Variants in MYLK4 observed in about 807,000 individuals in gnomAD.
The protein encoded by MYLK4 is caMLCK like.
MYLK4 carries 46 observed loss-of-function variants against 48.1 expected under a neutral mutation model. The ratio of observed to expected loss-of-function variants is 0.96; its 90% CI spans 0.75 to 1.22. MYLK4 has a LOEUF of 1.22. MYLK4 is among the 50% of genes most tolerant of loss of function. The pLI is 0.00. For missense variants in MYLK4, 451 were observed against 486.1 expected (o/e 0.93, Z 0.68); for synonymous variants, 170 against 180.8 (o/e 0.94, Z 0.48).
intron 2 of MYLK4, among the ~76,000 whole-genome samples, chr6:2,724,507 G>A (rs1185840937): frequency 2.6e-5 from 4 of 152,078 alleles, no homozygotes; most frequent in Admixed American, 1.3e-4. Context: ...GTGAAGGGTC[G>A]GTAAAAGCCA....
At chr6:2,690,083 G>A (rs533395295) in intron 3 of MYLK4, among the ~76,000 whole-genome samples, 30 of 152,286 alleles carry the variant, frequency 2.0e-4, no homozygotes, top group African/African-American at 5.8e-4. Flanking sequence ...AATTTAGTCT[G>A]TAATGCTTGC....
chr6:2,731,338 T>G (rs12197762), intron 2 of MYLK4, among the ~76,000 whole-genome samples: 32,502 of 152,108 alleles, frequency 0.21, 3,580 homozygotes, highest in Middle Eastern at 0.27. Flanking sequence ...GTCTCGGCTC[T>G]GGGGCTGGAT....
At position 2,673,894 on chromosome 6, in the gene MYLK4, G is replaced by A. The variant is rs1760990778; in HGVS notation, c.1119+1153C>T. ...GGGGATATCATGTACACAACATGGAGGTAAATTAAACATGAGATGGGGGCT... is the reference window on the plus strand; with the variant it reads ...GGGGATATCATGTACACAACATGGAAGTAAATTAAACATGAGATGGGGGCT... On this transcript the variant is annotated intron_variant, in intron 11 of 12. Transcript: ENST00000274643. This position sits in a 1 kb window ranked among gnomAD's most constrained non-coding sequence, Gnocchi z 4.2. Among the ~76,000 whole-genome samples the A allele has an allele frequency of 6.6e-6, 1 of 152,178 alleles. No homozygotes were observed. Among genetic ancestry groups the A allele is most frequent in the Non-Finnish European group, 1.5e-5 (1 of 68,044 alleles).
At chr6:2,682,930 A>T in intron 7 of MYLK4, 91 bp downstream of exon 7, 1 of 1,425,216 alleles carries the variant, frequency 7.0e-7, no homozygotes, top group Non-Finnish European at 9.8e-7. Flanking sequence ...TGACTGTACC[A>T]ATTTCCCCAG....
rs1384652136 is a variant in MYLK4 at position 2,685,296 on chromosome 6, T to C, written c.545A>G (p.Tyr182Cys). The change falls in exon 6 of 13, where the codon TAT becomes TGT. Residue 182 changes from tyrosine (Y) to cysteine (C), a missense_variant and splice_region_variant. Coordinates refer to ENST00000274643, the MANE Select transcript of MYLK4 (RefSeq NM_001012418.5). The surrounding 1 kb of genome is among the most constrained non-coding windows in gnomAD (Gnocchi z 4.5). ...GGGAGGGGGCGGAGGGGATACGTAC[T>C]ACTCCATGACCAGGACAATGTCGTT... ...SKNDIVLVME[Y>C]VDGGELFDRI... 6.2e-7 allele frequency: 1 copy of C among 1,609,682 alleles called. No homozygotes were observed. The highest frequency in any genetic ancestry group is 8.5e-7 in the Non-Finnish European group (1 of 1,176,988).
the MYLK4 span, among the ~76,000 whole-genome samples, chr6:2,757,092 C>T: frequency 1.3e-5 from 2 of 150,280 alleles, no homozygotes; most frequent in Admixed American, 6.6e-5. Context: ...TGCCATAGGG[C>T]GTGCATTAAT....
intron 4 of MYLK4, among the ~76,000 whole-genome samples, chr6:2,688,202 G>A (rs1761633307): frequency 6.6e-6 from 1 of 152,056 alleles, no homozygotes; most frequent in South Asian, 2.1e-4. Flanking sequence ...GGGATTACAG[G>A]CATGCGCCAC....
intron 7 of MYLK4, 84 bp from the exon 8 acceptor site, chr6:2,680,375 G>T: frequency 6.3e-7 from 1 of 1,597,146 alleles, no homozygotes; most frequent in Non-Finnish European, 8.5e-7. Flanking sequence ...AAAATACAAC[G>T]ATGCTCAGAA....
intron 2 of MYLK4, among the ~76,000 whole-genome samples, chr6:2,743,480 G>T (rs568584661): frequency 6.6e-6 from 1 of 152,306 alleles, no homozygotes; most frequent in East Asian, 1.9e-4. Context: ...CAGCTCAAAG[G>T]AGAAAGCAGA....
At chr6:2,747,267 CAT>C (rs1316188956) in intron 2 of MYLK4, among the ~76,000 whole-genome samples, 1 of 152,192 alleles carries the variant, frequency 6.6e-6, no homozygotes, top group African/African-American at 2.4e-5. Flanking sequence ...ACTTCCAAAT[CAT>C]CAACTTCTGG....
Position 2,683,060 on chromosome 6 carries a change from C to T in MYLK4, c.648G>A (p.Arg216=). 6.2e-7 allele frequency: 1 copy of T among 1,614,172 alleles called. No homozygotes were observed. The highest frequency in any genetic ancestry group is 1.1e-5 in the South Asian group (1 of 91,074). ...LFMKQICEGI[R]HMHQMYILHL... ...GGAGAATGTACATCTGATGCATGTG[C>T]CTTATCCCCTCACATATCTGCTTCA... Residue 216 remains arginine (R), a synonymous_variant, in exon 7 of 13, where the codon AGG becomes AGA. Transcript: ENST00000274643.
chr6:2,766,524 T>C, the MYLK4 span: 1 of 1,420,260 alleles, frequency 7.0e-7, no homozygotes, highest in East Asian at 2.6e-5. Context: ...CCGGGTGTGC[T>C]GCCCTCGAAA....
At chr6:2,741,036 T>C (rs2113357972) in intron 2 of MYLK4, among the ~76,000 whole-genome samples, 1 of 152,334 alleles carries the variant, frequency 6.6e-6, no homozygotes, top group Admixed American at 6.5e-5. Context: ...TAGAAATCTA[T>C]AAATAAAACA....
chr6:2,721,237 AT>A (rs1368792696), intron 2 of MYLK4, among the ~76,000 whole-genome samples: 9 of 152,208 alleles, frequency 5.9e-5, no homozygotes, highest in Non-Finnish European at 1.3e-4. Flanking sequence ...AGACTGAAGG[AT>A]GTGAGCACCC....
At chr6:2,694,286 T>C (rs1427208159) in intron 2 of MYLK4, among the ~76,000 whole-genome samples, 1 of 151,756 alleles carries the variant, frequency 6.6e-6, no homozygotes, top group African/African-American at 2.4e-5. Context: ...ACAAAGCTGA[T>C]TGCTCCCTCC....
At chr6:2,737,036 T>A (rs1484876949) in intron 2 of MYLK4, among the ~76,000 whole-genome samples, 1 of 152,240 alleles carries the variant, frequency 6.6e-6, no homozygotes, top group Non-Finnish European at 1.5e-5. Flanking sequence ...TAAGTTCTTA[T>A]GCACATCAAA....
intron 6 of MYLK4, 35 bp from the exon 7 acceptor site, chr6:2,683,197 G>C (rs779838987): frequency 6.2e-7 from 1 of 1,612,364 alleles, no homozygotes; most frequent in East Asian, 2.2e-5. Flanking sequence ...CCTCAGTCCC[G>C]ATTTCCTTAC....
upstream of MYLK4, among the ~76,000 whole-genome samples, chr6:2,753,931 C>T (rs1764359185): frequency 6.7e-6 from 1 of 149,250 alleles, no homozygotes; most frequent in Admixed American, 6.7e-5. Flanking sequence ...GAGGCCAAGA[C>T]AGGAGGATCA....
At chr6:2,766,692 A>G in the MYLK4 span, among the ~76,000 whole-genome samples, 5 of 152,132 alleles carry the variant, frequency 3.3e-5, no homozygotes, top group Non-Finnish European at 5.9e-5. Context: ...GATGTCTGTG[A>G]ATCCATAGTT....
Sources: gnomAD v4.1 joint callset for allele counts (sites outside exome capture counted in the v4.1 genomes callset) on GRCh38, gnomAD v4.1.1 for gene constraint, Gnocchi (gnomAD v3.1) non-coding constraint, MANE v1.5 for transcripts, NCBI Gene and HGNC (gene_info 2026-07-23, HGNC 2026-07-21) for gene names.